The following ZNF253 variants were observed in gnomAD, a reference collection of about 807,000 sequenced individuals.
ZNF253 encodes the protein DNA-binding protein.
In ZNF253, 8 loss-of-function variants were observed where a neutral mutation model predicts 11.9. The observed-to-expected ratio is 0.67, with a 90% CI of 0.40 to 1.22. The LOEUF is 1.22. ZNF253 is among the 50% of genes most tolerant of loss of function. The probability of loss-of-function intolerance (pLI) is 0.01; values close to 1 mark genes in which losing one functional copy is unlikely to be tolerated. For synonymous variants in ZNF253, 194 were observed against 194.9 expected (o/e 1.00, Z 0.04); for missense variants, 485 against 586.9 (o/e 0.83, Z 1.79).
In ZNF253 at chr19:19,891,711, A is replaced by C. The variant is rs974781103; in HGVS notation, c.464A>C (p.Lys155Thr). The C allele has an allele frequency of 4.3e-6, 7 of 1,613,996 alleles. No individual in the cohort carries two copies. In the African/African-American group the frequency reaches 8.0e-5, roughly 18 times the overall value. ...QCDKYGKVFH[K>T]FSNSNTYKTR... is the part of the protein sequence containing the mutation. ...GATAAATATGGAAAAGTCTTTCATA[A>C]GTTTTCAAATTCAAACACATATAAG... The change falls in exon 4 of 4, where the codon AAG (lysine) becomes ACG (threonine). Residue 155 changes from lysine (K) to threonine (T), a missense_variant. Physicochemically the swap from Lys to Thr is moderately conservative, Grantham distance 78. Coordinates refer to ENST00000589717, the MANE Select transcript of ZNF253 (RefSeq NM_021047.3).
chr19:19,885,294 T>C lies in ZNF253; in HGVS notation c.226+5148T>C, dbSNP rs1382256365. 1.3e-4 allele frequency among the ~76,000 whole-genome samples: 4 copies of C among 30,116 alleles called. 1 individual carries two copies. The African/African-American group carries it at 2.1e-3, about 16-fold the overall frequency. The allele number at this position is 30,116 out of a possible 152,430, so 19.8% of individuals were successfully genotyped here. ...TTCTTTCTTTCTTTCTTTCTTTCTC[T>C]TTCTTTTCTTTCTTTCTTTCTTTCT... On this transcript the variant is annotated intron_variant, in intron 3 of 3. Coordinates refer to ENST00000589717, the MANE Select transcript of ZNF253 (RefSeq NM_021047.3).
intron 3 of ZNF253, among the ~76,000 whole-genome samples, chr19:19,885,723 T>G (rs745919482): frequency 6.6e-6 from 1 of 152,190 alleles, no homozygotes; most frequent in Non-Finnish European, 1.5e-5. Context: ...ATTTGTTAGT[T>G]TATTTTGTCT....
chr19:19,872,585 A>ATTATATATATATATATATTAT (rs59790297), intron 1 of ZNF253, among the ~76,000 whole-genome samples: 1,398 of 89,954 alleles, frequency 0.016, 15 homozygotes, highest in Non-Finnish European at 0.019. Flanking sequence ...ATATATTATT[A>ATTATATATATATATATATTAT]TATATATATA....
At chr19:19,882,062 A>G (rs1236481343) in intron 3 of ZNF253, among the ~76,000 whole-genome samples, 1 of 151,778 alleles carries the variant, frequency 6.6e-6, no homozygotes, top group East Asian at 1.9e-4. Context: ...GGTGACATGC[A>G]CCTGTAATCC....
chr19:19,880,221 T>C, intron 3 of ZNF253, 75 bp downstream of exon 3: 2 of 1,102,936 alleles, frequency 1.8e-6, no homozygotes, highest in South Asian at 3.0e-5. Context: ...AACCAGTCTT[T>C]AAAATGTGAT....
chr19:19,879,295 A>G (rs1457269838), intron 2 of ZNF253, among the ~76,000 whole-genome samples: 1 of 152,222 alleles, frequency 6.6e-6, no homozygotes, highest in Non-Finnish European at 1.5e-5. Context: ...TTACATAAAA[A>G]TGCAATTAGT....
chr19:19,887,362 T>A (rs1412708412), intron 3 of ZNF253, among the ~76,000 whole-genome samples: 1 of 152,138 alleles, frequency 6.6e-6, no homozygotes, highest in Non-Finnish European at 1.5e-5. Flanking sequence ...TATGGTGCGA[T>A]CTCAGCTCAC....
At chr19:19,875,802 G>A (rs1343525656) in intron 1 of ZNF253, among the ~76,000 whole-genome samples, 1 of 152,158 alleles carries the variant, frequency 6.6e-6, no homozygotes, top group African/African-American at 2.4e-5. Context: ...AAATAAAAAT[G>A]CTGGGCCCTT....
intron 3 of ZNF253, among the ~76,000 whole-genome samples, chr19:19,891,007 A>ATTTTTTTTTTTTTTTTTTTTT (rs1568501169): frequency 2.0e-5 from 3 of 149,704 alleles, no homozygotes; most frequent in African/African-American, 7.6e-5. Context: ...TGTCTGGCTA[A>ATTTTTTTTTTTTTTTTTTTTT]TTTTTTGTAT....
chr19:19,872,561 C>CTATATATATATATATATATATATA (rs58650123), intron 1 of ZNF253, among the ~76,000 whole-genome samples: 117 of 121,830 alleles, frequency 9.6e-4, no homozygotes, highest in South Asian at 5.5e-3. Flanking sequence ...TAAACCATAA[C>CTATATATATATATATATATATATA]TATATATATA....
intron 1 of ZNF253, among the ~76,000 whole-genome samples, chr19:19,872,127 G>C (rs1012210544): frequency 6.6e-6 from 1 of 152,092 alleles, no homozygotes; most frequent in Non-Finnish European, 1.5e-5. Context: ...ATCTCTCTTA[G>C]AATGACTCTT....
chr19:19,876,999 G>A (rs534802884), intron 1 of ZNF253, among the ~76,000 whole-genome samples: 15 of 152,026 alleles, frequency 9.9e-5, no homozygotes, highest in Non-Finnish European at 2.1e-4. Flanking sequence ...TGTTCCCTTC[G>A]TGGCTGTTGA....
intron 1 of ZNF253, among the ~76,000 whole-genome samples, chr19:19,873,615 C>T (rs2063143371): frequency 6.6e-6 from 1 of 152,064 alleles, no homozygotes; most frequent in Non-Finnish European, 1.5e-5. Flanking sequence ...AGAGTTTCTC[C>T]AGTTTCTGGT....
intron 1 of ZNF253, among the ~76,000 whole-genome samples, chr19:19,867,969 T>A (rs2063118443): frequency 2.0e-5 from 3 of 151,930 alleles, no homozygotes; most frequent in Admixed American, 2.0e-4. Context: ...TTTTTTTTCA[T>A]ATGCTTGCTA....
rs373708715 is a variant in ZNF253 at position 19,892,660 on chromosome 19, G to A, written c.1413G>A (p.Lys471=). ...FNWSSDLNKH[K]KIHIERKPYI... ...GGTCCTCAGACCTTAATAAACATAA[G>A]AAAATTCATATTGAACGAAAACCCT... Residue 471 remains lysine (K), a synonymous_variant, in exon 4 of 4, where the codon AAG becomes AAA. Coordinates refer to ENST00000589717, the MANE Select transcript of ZNF253 (RefSeq NM_021047.3). 2.5e-5 allele frequency: 41 copies of A among 1,613,068 alleles called. No homozygotes were observed. The highest frequency in any genetic ancestry group is 3.4e-5 in the Non-Finnish European group (40 of 1,179,718).
chr19:19,865,850 G>T (rs1055043954), upstream of ZNF253: 4 of 1,023,832 alleles, frequency 3.9e-6, no homozygotes, highest in African/African-American at 1.6e-5. Context: ...GTTTCTGGGG[G>T]CCTTTGTTTC....
rs539369847 is a variant in ZNF253 at position 19,868,123 on chromosome 19, A to AT, written c.3+2132dup. Among the ~76,000 whole-genome samples, 21 of 151,316 alleles carry AT rather than the reference A, an allele frequency of 1.4e-4. No homozygotes were observed. The South Asian group carries it at 2.9e-3, about 21-fold the overall frequency. On this transcript the variant is annotated intron_variant, in intron 1 of 3. Coordinates refer to ENST00000589717, the MANE Select transcript of ZNF253 (RefSeq NM_021047.3). ...CTTTTGTCAGAGGCAAAGTTTGCAA[A>AT]TTTTTTTTATTCTGTAGGTTGTCTG...
At chr19:19,883,377 C>CA (rs1361865760) in intron 3 of ZNF253, among the ~76,000 whole-genome samples, 1 of 151,968 alleles carries the variant, frequency 6.6e-6, no homozygotes, top group Non-Finnish European at 1.5e-5. Context: ...TTTGCGAGGC[C>CA]AAGGCAGGAG....
rs970954814 is a variant in ZNF253, at chr19:19,865,889, C to G, written c.-108C>G. The G allele has an allele frequency of 2.1e-6, 3 of 1,406,870 alleles. No individual in the cohort carries two copies. The highest frequency in any genetic ancestry group is 3.0e-6 in the Non-Finnish European group (3 of 991,084). The allele number at this position is 1,406,870 out of a possible 1,614,324, so 87.1% of individuals were successfully genotyped here. A position where few individuals can be genotyped will look rare whatever the true frequency, so the allele number is the denominator to read the frequency against. ...CTGCAGCGGGAGCTCCAGGTTTATC[C>G]TCAGTGTTCTGTGTCCTGTGCTTAT... On this transcript the variant is annotated 5_prime_UTR_variant, in exon 1 of 4. Transcript: ENST00000589717.
Sources: allele counts gnomAD v4.1 joint callset (sites outside exome capture counted in the v4.1 genomes callset), GRCh38; gene constraint gnomAD v4.1.1; transcripts MANE v1.5; gene names NCBI Gene and HGNC (gene_info 2026-07-23, HGNC 2026-07-21).